The following SV2C variants were observed in gnomAD, a reference collection of about 807,000 sequenced individuals.
SV2C encodes solute carrier family 22 member B3.
In SV2C, 49 loss-of-function variants were observed where a neutral mutation model predicts 79.7. That is an observed-to-expected ratio of 0.61 (90% CI 0.49 to 0.78). The LOEUF (loss-of-function observed/expected upper bound fraction) is 0.78, where lower values mean the gene tolerates loss of function less well. SV2C is among the 30% of genes least tolerant of loss of function. The probability of loss-of-function intolerance (pLI) is 0.00; values close to 1 mark genes in which losing one functional copy is unlikely to be tolerated. For missense variants in SV2C, 833 were observed against 912.9 expected (o/e 0.91, Z 1.13); for synonymous variants, 334 against 333.2 (o/e 1.00, Z -0.03).
At chr5:75,986,477 C>T in the SV2C span, among the ~76,000 whole-genome samples, 1 of 151,846 alleles carries the variant, frequency 6.6e-6, no homozygotes. Flanking sequence ...AGGAATCAGC[C>T]CTGCCAATAT....
the SV2C span, chr5:75,911,402 C>T: frequency 2.3e-5 from 25 of 1,108,778 alleles, no homozygotes; most frequent in African/African-American, 1.2e-4. Context: ...ATCCAGAGGA[C>T]GTCAGCACCC....
chr5:76,264,362 C>T (rs112485548), intron 4 of SV2C, among the ~76,000 whole-genome samples: 168 of 152,106 alleles, frequency 1.1e-3, no homozygotes, highest in Admixed American at 2.0e-3. Context: ...TTAGCTTCCT[C>T]GCATTGGGTT....
intron 9 of SV2C, among the ~76,000 whole-genome samples, chr5:76,297,545 C>G (rs909686216): frequency 6.6e-6 from 1 of 152,124 alleles, no homozygotes. Context: ...AGTTCCATGA[C>G]AGAAAAAATT....
chr5:76,034,176 C>A, the SV2C span, among the ~76,000 whole-genome samples: 1 of 151,464 alleles, frequency 6.6e-6, no homozygotes, highest in South Asian at 2.1e-4. Context: ...TCTAGATATA[C>A]AATCATGTCA....
chr5:76,280,393 G>A (rs1747148923), intron 4 of SV2C, among the ~76,000 whole-genome samples: 1 of 152,142 alleles, frequency 6.6e-6, no homozygotes, highest in South Asian at 2.1e-4. Context: ...ATTCTAAGCT[G>A]AGCAGAGCTG....
intron 4 of SV2C, among the ~76,000 whole-genome samples, chr5:76,212,307 A>C (rs1055713000): frequency 2.2e-4 from 33 of 152,092 alleles, no homozygotes; most frequent in African/African-American, 7.5e-4. Flanking sequence ...CTGCTAGTCT[A>C]TCCATTCATA....
intron 1 of SV2C, among the ~76,000 whole-genome samples, chr5:76,101,803 G>T (rs1747749467): frequency 6.6e-6 from 1 of 152,142 alleles, no homozygotes; most frequent in Non-Finnish European, 1.5e-5. Context: ...GAATGTCTCT[G>T]CTATGAAGAA....
intron 4 of SV2C, among the ~76,000 whole-genome samples, chr5:76,227,423 G>T (rs1745286417): frequency 6.6e-6 from 1 of 152,182 alleles, no homozygotes; most frequent in African/African-American, 2.4e-5. Context: ...CTCAAAGGGG[G>T]TTCTGGAGGC....
At chr5:75,859,372 C>A in the SV2C span, among the ~76,000 whole-genome samples, 2 of 152,150 alleles carry the variant, frequency 1.3e-5, no homozygotes, top group African/African-American at 4.8e-5. Flanking sequence ...GGGAGAAAAA[C>A]CAAAACATTC....
At chr5:76,305,078 G>A (rs541973694) in intron 12 of SV2C, among the ~76,000 whole-genome samples, 7 of 152,074 alleles carry the variant, frequency 4.6e-5, no homozygotes, top group Non-Finnish European at 7.4e-5. Context: ...TCAAGGGGAG[G>A]TGCCACACAC....
At chr5:76,252,094 G>C (rs1746132927) in intron 4 of SV2C, among the ~76,000 whole-genome samples, 1 of 152,160 alleles carries the variant, frequency 6.6e-6, no homozygotes, top group South Asian at 2.1e-4. Context: ...CAAACTCACT[G>C]TCCAAGGAGT....
At chr5:76,343,556 T>A (rs1749483638) in intron 12 of SV2C, among the ~76,000 whole-genome samples, 1 of 152,174 alleles carries the variant, frequency 6.6e-6, no homozygotes, top group Admixed American at 6.6e-5. Flanking sequence ...TTTAAAAGAC[T>A]GATAATACCA....
At chr5:76,313,541 T>C (rs1748527437) in intron 12 of SV2C, among the ~76,000 whole-genome samples, 1 of 152,018 alleles carries the variant, frequency 6.6e-6, no homozygotes, top group Non-Finnish European at 1.5e-5. Context: ...AGTCACAAAG[T>C]TTGTTTTTGA....
chr5:76,035,177 G>A, the SV2C span, among the ~76,000 whole-genome samples: 1 of 148,124 alleles, frequency 6.8e-6, no homozygotes, highest in Non-Finnish European at 1.5e-5. Flanking sequence ...TATCAATTTT[G>A]TTGATCCTTT....
At chr5:75,939,951 C>T in the SV2C span, among the ~76,000 whole-genome samples, 4 of 152,170 alleles carry the variant, frequency 2.6e-5, no homozygotes, top group African/African-American at 9.7e-5. Flanking sequence ...GCCCCGCCTT[C>T]AGTTCTACCC....
chr5:76,215,763 C>A (rs1054169800), intron 4 of SV2C, among the ~76,000 whole-genome samples: 8 of 152,168 alleles, frequency 5.3e-5, no homozygotes, highest in African/African-American at 1.2e-4. Flanking sequence ...AGGACCTCAG[C>A]CTTCTCATAT....
intron 1 of SV2C, among the ~76,000 whole-genome samples, chr5:76,120,951 C>G (rs1303439587): frequency 6.6e-6 from 1 of 151,382 alleles, no homozygotes; most frequent in Non-Finnish European, 1.5e-5. Context: ...ACACTAACTT[C>G]CACAATGGTT....
chr5:75,970,823 A>T, the SV2C span, among the ~76,000 whole-genome samples: 1 of 152,282 alleles, frequency 6.6e-6, no homozygotes, highest in East Asian at 1.9e-4. Context: ...AACTCATTTT[A>T]TGAGGCCAGC....
At chr5:76,173,922 A>C in intron 2 of SV2C, 1 of 1,587,464 alleles carries the variant, frequency 6.3e-7, no homozygotes, top group Non-Finnish European at 8.7e-7. Context: ...TTAAATGTGG[A>C]CTGTGCTGTG....
Sources: allele counts gnomAD v4.1 joint callset (sites outside exome capture counted in the v4.1 genomes callset), GRCh38; gene constraint gnomAD v4.1.1; transcripts MANE v1.5; gene names NCBI Gene and HGNC (gene_info 2026-07-23, HGNC 2026-07-21).